GOLGA8A: variants seen among roughly 807,000 people sequenced by gnomAD.
GOLGA8A encodes the protein golgin A8 family member A, also known as golgin subfamily A member 8A.
A neutral mutation model predicts 22.1 loss-of-function variants in GOLGA8A; 3 were observed. The ratio of observed to expected loss-of-function variants is 0.14; its 90% CI spans 0.06 to 0.35. The LOEUF is 0.35. Ranked by LOEUF, GOLGA8A falls within the 10% of genes least tolerant of loss-of-function variation. The pLI is 1.00. For synonymous variants in GOLGA8A, 7 were observed against 91.7 expected, an observed-to-expected ratio of 0.08 and a Z score of 5.28; for missense variants, 16 against 233.2, an observed-to-expected ratio of 0.07 and a Z score of 6.07.
chr15:34,423,312 A>C (rs1215905264), intron 2 of GOLGA8A, among the ~76,000 whole-genome samples: 1 of 120,894 alleles, frequency 8.3e-6, no homozygotes, highest in Non-Finnish European at 1.8e-5. Context: ...ACACCCACCC[A>C]TCAGTCCCAA....
At chr15:34,430,595 C>A (rs1246151084) in intron 2 of GOLGA8A, among the ~76,000 whole-genome samples, 1 of 149,418 alleles carries the variant, frequency 6.7e-6, no homozygotes, top group African/African-American at 2.5e-5. Context: ...TTCACGCGTA[C>A]TAGCCAGAAT....
chr15:34,435,142 A>C (rs1893444024), intron 2 of GOLGA8A, among the ~76,000 whole-genome samples: 1 of 149,256 alleles, frequency 6.7e-6, no homozygotes, highest in Non-Finnish European at 1.5e-5. Flanking sequence ...GACACGGAGG[A>C]GTGCCGGAGA....
intron 2 of GOLGA8A, chr15:34,409,896 GGAC>G (rs1309753137): frequency 1.8e-6 from 1 of 562,740 alleles, no homozygotes; most frequent in Non-Finnish European, 3.2e-6. Context: ...CCTCTGAGGA[GGAC>G]GACTATGATG....
intron 4 of GOLGA8A, among the ~76,000 whole-genome samples, chr15:34,406,353 T>TA (rs1420528479): frequency 3.2e-5 from 1 of 31,344 alleles, no homozygotes; most frequent in African/African-American, 1.2e-4. Context: ...CTGTCTCTAC[T>TA]AAAAAAATAC....
chr15:34,431,294 TATATATATATATATATACATATATATATA>T (rs1893222754), intron 2 of GOLGA8A, among the ~76,000 whole-genome samples: 1 of 9,526 alleles, frequency 1.0e-4, no homozygotes, highest in Admixed American at 1.7e-3. Flanking sequence ...AAAAAAATTA[TATATATATATATATATACATATATATATA>T]TATATATATA....
intron 2 of GOLGA8A, chr15:34,417,960 C>T (rs1292510147): frequency 1.4e-5 from 2 of 138,446 alleles, no homozygotes; most frequent in Non-Finnish European, 3.1e-5. Flanking sequence ...ACAGGAGAAC[C>T]CTCCACAAAT....
In GOLGA8A at chr15:34,432,621, C is replaced by T. The variant is rs1391284163; in HGVS notation, c.-1123+2762G>A. On this transcript the variant is annotated intron_variant, in intron 2 of 24. Transcript: ENST00000359187. ...GATGTGTGTTTCATTCCAGTGGTTT[C>T]GCCATCAAAACCATCTTTAAATGTT... is the stretch of plus-strand genomic sequence containing the variant. 5.4e-5 allele frequency among the ~76,000 whole-genome samples: 8 copies of T among 149,388 alleles called. No individual in the cohort carries two copies. The East Asian group carries it at 5.9e-4, about 11-fold the overall frequency.
rs1428399487 is a variant in GOLGA8A, at chr15:34,380,354, G to C, written c.*1057C>G. 6.6e-6 allele frequency: 1 copy of C among 152,198 alleles called. No individual in the cohort carries two copies. The highest frequency in any genetic ancestry group is 1.5e-5 in the Non-Finnish European group (1 of 68,036). 9.4% of individuals were successfully genotyped at this position (152,198 alleles called of 1,614,324 possible). A position where few individuals can be genotyped will look rare whatever the true frequency, so the allele number is the denominator to read the frequency against. ...TCTAATTCATTCTTGACTAGAGCCT[G>C]TATGCCTGTTTCAGAGACATTTAAA... On this transcript the variant is annotated 3_prime_UTR_variant, in exon 25 of 25. Coordinates refer to ENST00000359187, the MANE Select transcript of GOLGA8A (RefSeq NM_181077.5).
rs2140299035 is a variant in GOLGA8A at position 34,435,253 on chromosome 15, G to GCCCA, written c.-1123+126_-1123+129dup. On this transcript the variant is annotated intron_variant, in intron 2 of 24. Transcript: ENST00000359187. ...GCCACCGCGGCCCAATCCAAACAAA[G>GCCCA]CCCAGCCTGATGCCAATCTCACCAT... 1.3e-5 allele frequency: 2 copies of GCCCA among 149,660 alleles called. 1 individual carries two copies. The highest frequency in any genetic ancestry group is 4.9e-5 in the African/African-American group (2 of 40,548). The allele number at this position is 149,660 out of a possible 1,614,324, so 9.3% of individuals were successfully genotyped here.
At chr15:34,429,837 G>A (rs1893150001) in intron 2 of GOLGA8A, among the ~76,000 whole-genome samples, 1 of 148,246 alleles carries the variant, frequency 6.7e-6, no homozygotes, top group African/African-American at 2.5e-5. Context: ...AGGACTGAGA[G>A]GTGAATGACG....
rs1347245293 is a variant in GOLGA8A at position 34,436,313 on chromosome 15, CAAAG to C, written c.-1211-846_-1211-843del. Among the ~76,000 whole-genome samples, 2 of 149,516 alleles carry C rather than the reference CAAAG, an allele frequency of 1.3e-5. 1 individual carries two copies. Among genetic ancestry groups the C allele is most frequent in the African/African-American group, 4.9e-5 (2 of 40,576 alleles). On this transcript the variant is annotated intron_variant, in intron 1 of 24. Transcript: ENST00000359187. Reference sequence around the variant, plus strand: ...AGGAAAATAGAAAAACAAACAAAAACAAAGAGGCACAGAAGGCTGAAGACGCCAG... The same window carrying C: ...AGGAAAATAGAAAAACAAACAAAAACAGGCACAGAAGGCTGAAGACGCCAG...
chr15:34,434,068 G>C (rs1435868091), intron 2 of GOLGA8A, among the ~76,000 whole-genome samples: 2 of 149,188 alleles, frequency 1.3e-5, no homozygotes, highest in African/African-American at 5.0e-5. Context: ...CATTCAGTTA[G>C]GATCTCCGGG....
rs1408139510 is a variant in GOLGA8A at position 34,431,334 on chromosome 15, T to C, written c.-1123+4049A>G. Among the ~76,000 whole-genome samples, 13 of 61,398 alleles carry C rather than the reference T, an allele frequency of 2.1e-4. 2 individuals carry two copies. In the East Asian group the frequency reaches 3.0e-3, roughly 14 times the overall value. The allele number at this position is 61,398 out of a possible 152,430, so 40.3% of individuals were successfully genotyped here. On this transcript the variant is annotated intron_variant, in intron 2 of 24. Transcript: ENST00000359187. ...ATACATATATATATATATATATATA[T>C]ATATATATATATCTCACACACACAC...
rs1211611142 is a variant in GOLGA8A at position 34,430,796 on chromosome 15, G to A, written c.-1123+4587C>T. 4.7e-5 allele frequency among the ~76,000 whole-genome samples: 7 copies of A among 149,712 alleles called. 1 individual carries two copies. Among genetic ancestry groups the A allele is most frequent in the African/African-American group, 1.7e-4 (7 of 40,454 alleles). On this transcript the variant is annotated intron_variant, in intron 2 of 24. Coordinates refer to ENST00000359187, the MANE Select transcript of GOLGA8A (RefSeq NM_181077.5). ...AGGAATGGGACACAGACCTCCACGT[G>A]CCCTTCTCGGGATGAGTCAAGACAA...
rs1401399336 is a variant in GOLGA8A, at chr15:34,430,437, C to T, written c.-1123+4946G>A. Among the ~76,000 whole-genome samples the T allele has an allele frequency of 1.2e-4, 18 of 149,100 alleles. 2 individuals carry two copies. The highest frequency in any genetic ancestry group is 2.2e-4 in the South Asian group (1 of 4,638). The stretch of plus-strand genomic sequence containing the variant: ...GAGCTGTGGGTCAGGAAAATCTCGA[C>T]TTCACCCAATGCCATTCCCGAGACA... On this transcript the variant is annotated intron_variant, in intron 2 of 24. Transcript: ENST00000359187.
chr15:34,431,429 C>T (rs1291518682), intron 2 of GOLGA8A, among the ~76,000 whole-genome samples: 4 of 145,236 alleles, frequency 2.8e-5, no homozygotes, highest in African/African-American at 1.0e-4. Flanking sequence ...CGTCACTTAA[C>T]GACAGGGATG....
At position 34,436,849 on chromosome 15, in the gene GOLGA8A, G is replaced by A. The variant is rs953782868; in HGVS notation, c.-1212+549C>T. On this transcript the variant is annotated intron_variant, in intron 1 of 24. Coordinates refer to ENST00000359187, the MANE Select transcript of GOLGA8A (RefSeq NM_181077.5). ...GCGCCTGCAGCCCAGGGGCAACAAG[G>A]TGTGGGGTTTTTGAGTTTTTCCCTC... is the stretch of plus-strand genomic sequence containing the variant. Among the ~76,000 whole-genome samples, 4 of 149,988 alleles carry A rather than the reference G, an allele frequency of 2.7e-5. 1 individual carries two copies. Among genetic ancestry groups the A allele is most frequent in the Non-Finnish European group, 5.9e-5 (4 of 67,268 alleles).
intron 2 of GOLGA8A, among the ~76,000 whole-genome samples, chr15:34,432,001 C>T (rs756584540): frequency 2.0e-5 from 3 of 149,034 alleles, no homozygotes; most frequent in Non-Finnish European, 4.5e-5. Context: ...CTCCGACTCA[C>T]TATTTACTAA....
chr15:34,383,715 T>TTTGC, intron 18 of GOLGA8A, 31 bp downstream of exon 18: 2 of 133,434 alleles, frequency 1.5e-5, no homozygotes, highest in South Asian at 8.7e-5. Flanking sequence ...GGGGGGGGGG[T>TTTGC]GGGGCGGGAG....
Sources: allele counts gnomAD v4.1 joint callset (sites outside exome capture counted in the v4.1 genomes callset), GRCh38; gene constraint gnomAD v4.1.1; transcripts MANE v1.5; gene names NCBI Gene and HGNC (gene_info 2026-07-23, HGNC 2026-07-21).